Variants in CLCA2 observed in about 807,000 individuals in gnomAD.
The protein encoded by CLCA2 is chloride channel accessory 2.
Under a neutral mutation model 82.9 loss-of-function variants are expected in CLCA2, and 85 were observed. The ratio of observed to expected loss-of-function variants is 1.03; its 90% CI spans 0.86 to 1.23. CLCA2 has a LOEUF of 1.23. Ranked by LOEUF, CLCA2 falls within the 50% of genes most tolerant of loss-of-function variation. The probability of loss-of-function intolerance (pLI) is 0.00; values close to 1 mark genes in which losing one functional copy is unlikely to be tolerated. For missense variants in CLCA2, 1,089 were observed against 1,124.8 expected, an observed-to-expected ratio of 0.97 and a Z score of 0.45; for synonymous variants, 421 against 391.7, an observed-to-expected ratio of 1.07 and a Z score of -0.88.
intron 13 of CLCA2, 23 bp from the exon 14 acceptor site, chr1:86,455,062 C>A: frequency 2.2e-6 from 3 of 1,354,160 alleles, no homozygotes; most frequent in South Asian, 1.6e-5. Context: ...CTTAATTTTC[C>A]TATTTATATT....
chr1:86,428,917 A>C (rs1662441748), intron 3 of CLCA2, among the ~76,000 whole-genome samples: 2 of 152,312 alleles, frequency 1.3e-5, no homozygotes, highest in South Asian at 2.1e-4. Flanking sequence ...ACTATGAAGA[A>C]AACTGTGGCA....
intron 3 of CLCA2, among the ~76,000 whole-genome samples, chr1:86,430,257 A>G (rs1342863678): frequency 6.6e-6 from 1 of 152,136 alleles, no homozygotes; most frequent in Non-Finnish European, 1.5e-5. Context: ...CTGACCTAGG[A>G]GCTGTAAAAT....
At chr1:86,426,824 T>C (rs1662394153) in intron 2 of CLCA2, among the ~76,000 whole-genome samples, 1 of 152,156 alleles carries the variant, frequency 6.6e-6, no homozygotes, top group African/African-American at 2.4e-5. Flanking sequence ...ATGCATCTAT[T>C]GGGCCTTCAA....
At chr1:86,427,871 C>T (rs781531658) in intron 2 of CLCA2, among the ~76,000 whole-genome samples, 9 of 151,936 alleles carry the variant, frequency 5.9e-5, no homozygotes, top group Non-Finnish European at 1.2e-4. Flanking sequence ...TTGGAATGAT[C>T]GTTTTGCTGA....
chr1:86,441,399 C>A (rs1198343845), intron 8 of CLCA2, 38 bp from the exon 9 acceptor site: 3 of 1,175,930 alleles, frequency 2.6e-6, no homozygotes, highest in Admixed American at 2.0e-5. Flanking sequence ...TTTTATTTTA[C>A]CCATTTTAAT....
At position 86,455,401 on chromosome 1, in the gene CLCA2, A is replaced by T; in HGVS notation, c.2706A>T (p.Ile902=). 1 of 1,608,538 alleles carries T rather than the reference A, an allele frequency of 6.2e-7. No homozygotes were observed. The highest frequency in any genetic ancestry group is 2.2e-5 in the East Asian group (1 of 44,756). Residue 902 remains isoleucine, a synonymous_variant, in exon 14 of 14, where the codon ATA becomes ATT. Coordinates refer to ENST00000370565, the MANE Select transcript of CLCA2 (RefSeq NM_006536.7). The part of the protein sequence containing the change: ...SDPVPARDYL[I]LKGVLTAMGL... ...CTGTACCTGCCAGAGATTATCTTATATTGAAAGGAGTTTTAACAGCAATGG... is the reference window on the plus strand; with the variant it reads ...CTGTACCTGCCAGAGATTATCTTATTTTGAAAGGAGTTTTAACAGCAATGG...
Position 86,440,287 on chromosome 1 carries a change from C to T in CLCA2, c.1343C>T (p.Ser448Phe), listed in dbSNP as rs141340884. 205 of 1,613,926 alleles carry T rather than the reference C, an allele frequency of 1.3e-4. No individual in the cohort carries two copies. The highest frequency in any genetic ancestry group is 1.5e-4 in the Non-Finnish European group (174 of 1,180,000). The change falls in exon 8 of 14, where the codon TCT (serine) becomes TTT (phenylalanine). Residue 448 changes from serine (S) to phenylalanine (F), a missense_variant. By Grantham distance (155) the Ser-to-Phe change is radical. Coordinates refer to ENST00000370565, the MANE Select transcript of CLCA2 (RefSeq NM_006536.7). ...ATTCACTCCATTGCCCTGGGTTCAT[C>T]TGCAGCCCCAAATCTGGAGGAATTA... is the stretch of plus-strand genomic sequence containing the variant. ...STIHSIALGSSAAPNLEELSR... is the reference protein window; with the variant it reads ...STIHSIALGSFAAPNLEELSR...
chr1:86,447,871 C>T, intron 11 of CLCA2, 93 bp downstream of exon 11: 2 of 1,322,068 alleles, frequency 1.5e-6, no homozygotes, highest in Non-Finnish European at 2.0e-6. Context: ...TGTAAGATTC[C>T]TTGAGTTCAA....
At chr1:86,440,832 C>G (rs913460501) in intron 8 of CLCA2, among the ~76,000 whole-genome samples, 2 of 152,044 alleles carry the variant, frequency 1.3e-5, no homozygotes, top group African/African-American at 4.8e-5. Context: ...ACTCAGGAGG[C>G]AGAGGTTGCA....
At chr1:86,435,791 A>G (rs1471691750) in intron 6 of CLCA2, among the ~76,000 whole-genome samples, 1 of 152,192 alleles carries the variant, frequency 6.6e-6, no homozygotes, top group Non-Finnish European at 1.5e-5. Flanking sequence ...GTAAACGAAT[A>G]TATGAAATAC....
chr1:86,437,782 G>T (rs1006415367), intron 6 of CLCA2, among the ~76,000 whole-genome samples: 6 of 151,714 alleles, frequency 4.0e-5, no homozygotes, highest in African/African-American at 1.5e-4. Flanking sequence ...GGCTTAGCTA[G>T]CTGGGAGTAG....
rs1375717383 is a variant in CLCA2, at chr1:86,434,465, T to C, written c.745-53T>C. On this transcript the variant is annotated intron_variant, in intron 5 of 13. Coordinates refer to ENST00000370565, the MANE Select transcript of CLCA2 (RefSeq NM_006536.7). ...TATAGTTCCTTGAGAATGAGAACTA[T>C]GTTTGCTTTGGGAGAAGTGCCTCTC... 14 of 1,449,854 alleles carry C rather than the reference T, an allele frequency of 9.7e-6. No homozygotes were observed. In the Admixed American group the frequency reaches 2.3e-4, roughly 23 times the overall value. 89.8% of individuals were successfully genotyped at this position (1,449,854 alleles called of 1,614,324 possible).
At position 86,424,218 on chromosome 1, in the gene CLCA2, G is replaced by A. The variant is rs1570248984; in HGVS notation, c.-30G>A. ...TGACACAATGTATGCAGCAGGCTCA[G>A]TGTGAGTGAACTGGAGGCTTCTCTA... On this transcript the variant is annotated 5_prime_UTR_variant, in exon 1 of 14. The change creates a new upstream start codon in the 5' untranslated region. Coordinates refer to ENST00000370565, the MANE Select transcript of CLCA2 (RefSeq NM_006536.7). 6.3e-7 allele frequency: 1 copy of A among 1,594,236 alleles called. No individual in the cohort carries two copies. The highest frequency in any genetic ancestry group is 2.2e-5 in the East Asian group (1 of 44,706).
chr1:86,434,825 TC>T, intron 6 of CLCA2, 80 bp downstream of exon 6: 1 of 1,181,330 alleles, frequency 8.5e-7, no homozygotes, highest in Non-Finnish European at 1.2e-6. Flanking sequence ...TATTTTAAGT[TC>T]TGGGGTACAT....
intron 6 of CLCA2, 60 bp downstream of exon 6, chr1:86,434,805 T>C (rs867867977): frequency 7.4e-7 from 1 of 1,355,580 alleles, no homozygotes. Context: ...AGTTCTTTAT[T>C]ATCTCAATTT....
In CLCA2 at chr1:86,439,108, T is replaced by C; in HGVS notation, c.1203+2T>C. The C allele has an allele frequency of 7.4e-6, 12 of 1,612,576 alleles. No homozygotes were observed. The highest frequency in any genetic ancestry group is 1.0e-5 in the Non-Finnish European group (12 of 1,178,648). Reference sequence around the variant, plus strand: ...TCAGGGCTTAAGAAAGGATTTGAGGTACAGTAGAGCATCCTAAGCCTTGGA... The same window carrying C: ...TCAGGGCTTAAGAAAGGATTTGAGGCACAGTAGAGCATCCTAAGCCTTGGA... On this transcript the variant is annotated splice_donor_variant, in intron 7 of 13. Transcript: ENST00000370565. LOFTEE classifies it high-confidence loss of function.
At position 86,439,104 on chromosome 1, in the gene CLCA2, G is replaced by C; in HGVS notation, c.1201G>C (p.Glu401Gln). Reference sequence around the variant, plus strand: ...TTGTTCAGGGCTTAAGAAAGGATTTGAGGTACAGTAGAGCATCCTAAGCCT... The same window carrying C: ...TTGTTCAGGGCTTAAGAAAGGATTTCAGGTACAGTAGAGCATCCTAAGCCT... Reference protein sequence around the residue: ...SICSGLKKGFEVVEKLNGKAY... With the variant: ...SICSGLKKGFQVVEKLNGKAY... Residue 401 changes from glutamate (E) to glutamine (Q), a missense_variant and splice_region_variant, in exon 7 of 14, where the codon GAG becomes CAG. Coordinates refer to ENST00000370565, the MANE Select transcript of CLCA2 (RefSeq NM_006536.7). 1 of 1,613,390 alleles carries C rather than the reference G, an allele frequency of 6.2e-7. No individual in the cohort carries two copies. Among genetic ancestry groups the C allele is most frequent in the East Asian group, 2.2e-5 (1 of 44,872 alleles).
chr1:86,450,759 G>T (rs1371285918), intron 12 of CLCA2, 26 bp downstream of exon 12: 2 of 1,555,838 alleles, frequency 1.3e-6, no homozygotes, highest in Admixed American at 1.8e-5. Context: ...ACTGTTATTT[G>T]AGTAACATCA....
Position 86,439,022 on chromosome 1 carries a change from A to G in CLCA2, c.1119A>G (p.Arg373=). 1 of 1,614,120 alleles carries G rather than the reference A, an allele frequency of 6.2e-7. No individual in the cohort carries two copies. Among genetic ancestry groups the G allele is most frequent in the Non-Finnish European group, 8.5e-7 (1 of 1,180,000 alleles). Residue 373 remains arginine (R), a synonymous_variant, in exon 7 of 14, where the codon CGA becomes CGG. Transcript: ENST00000370565. Reference sequence around the variant, plus strand: ...ACCAAATTAACAGCAATGATGATCGAAAGTTGCTGGTTTCATATCTGCCCA... The same window carrying G: ...ACCAAATTAACAGCAATGATGATCGGAAGTTGCTGGTTTCATATCTGCCCA... The part of the protein sequence containing the change: ...QLHQINSNDD[R]KLLVSYLPTT...
Sources: gnomAD v4.1 joint callset for allele counts (sites outside exome capture counted in the v4.1 genomes callset) on GRCh38, gnomAD v4.1.1 for gene constraint, MANE v1.5 for transcripts, NCBI Gene and HGNC (gene_info 2026-07-23, HGNC 2026-07-21) for gene names.